Variants in EYA4 observed in about 807,000 individuals in gnomAD.
The protein encoded by EYA4 is protein phosphatase EYA4.
Under a neutral mutation model 87.9 loss-of-function variants are expected in EYA4, and 31 were observed. The ratio of observed to expected loss-of-function variants is 0.35; its 90% CI spans 0.27 to 0.48. The LOEUF is 0.48. Ranked by LOEUF, EYA4 falls within the 20% of genes least tolerant of loss-of-function variation. The pLI is 0.99. For missense variants in EYA4, 678 were observed against 761.4 expected, an observed-to-expected ratio of 0.89 and a Z score of 1.29; for synonymous variants, 263 against 270.6, an observed-to-expected ratio of 0.97 and a Z score of 0.28.
chr6:133,444,386 A>G (rs1239234721), intron 3 of EYA4, among the ~76,000 whole-genome samples: 2 of 152,026 alleles, frequency 1.3e-5, no homozygotes, highest in Non-Finnish European at 2.9e-5. Flanking sequence ...ATCATTTTCC[A>G]TTCTTTGACC....
chr6:133,462,908 C>A, intron 9 of EYA4, 144 bp downstream of exon 9: 1 of 789,854 alleles, frequency 1.3e-6, no homozygotes, highest in Admixed American at 2.1e-5. Flanking sequence ...GATAACTAGA[C>A]AGAAACACGA....
chr6:133,512,961 T>C lies in EYA4; in HGVS notation c.1424T>C (p.Val475Ala), dbSNP rs778110178. 6.2e-7 allele frequency: 1 copy of C among 1,613,804 alleles called. No individual in the cohort carries two copies. Among genetic ancestry groups the C allele is most frequent in the South Asian group, 1.1e-5 (1 of 91,042 alleles). ...TTGCCAACAGGTGTAAGAGGAGGGG[T>C]TGACTGGATGAGGAAGTTGGCTTTT... Reference protein sequence around the residue: ...LCLPTGVRGGVDWMRKLAFRY... With the variant: ...LCLPTGVRGGADWMRKLAFRY... The change falls in exon 16 of 20, where the codon GTT becomes GCT. Residue 475 changes from valine to alanine, a missense_variant. Transcript: ENST00000355286.
chr6:133,475,494 A>G (rs1795643731), intron 11 of EYA4, among the ~76,000 whole-genome samples: 1 of 152,096 alleles, frequency 6.6e-6, no homozygotes, highest in Non-Finnish European at 1.5e-5. Context: ...GAGTAAGATC[A>G]TTTCACTCTC....
intron 10 of EYA4, among the ~76,000 whole-genome samples, chr6:133,466,369 T>A (rs1484007643): frequency 6.6e-6 from 1 of 152,158 alleles, no homozygotes; most frequent in Non-Finnish European, 1.5e-5. Flanking sequence ...AATCTGTATT[T>A]GGGACCATGG....
At chr6:133,319,134 G>A (rs1375497008) in intron 2 of EYA4, among the ~76,000 whole-genome samples, 1 of 152,126 alleles carries the variant, frequency 6.6e-6, no homozygotes, top group Admixed American at 6.5e-5. Flanking sequence ...TCTTCTATCA[G>A]ATTTTAGACC....
intron 2 of EYA4, among the ~76,000 whole-genome samples, chr6:133,308,268 T>A (rs1779959479): frequency 6.6e-6 from 1 of 152,238 alleles, no homozygotes; most frequent in Admixed American, 6.5e-5. Context: ...GCATTATTCC[T>A]GTTTTTACAG....
intron 1 of EYA4, among the ~76,000 whole-genome samples, chr6:133,273,262 C>T (rs186535353): frequency 3.6e-4 from 54 of 152,016 alleles, no homozygotes; most frequent in African/African-American, 8.4e-4. Flanking sequence ...GCATCTAGCA[C>T]GGGAGAAAGA....
intron 4 of EYA4, 25 bp downstream of exon 4, chr6:133,446,779 C>G (rs770453359): frequency 1.9e-6 from 3 of 1,609,408 alleles, no homozygotes; most frequent in East Asian, 4.5e-5. Flanking sequence ...CTGAAGATAC[C>G]CAGAATCATA....
intron 2 of EYA4, chr6:133,325,388 G>A (rs1387244786): frequency 1.3e-5 from 2 of 152,148 alleles, no homozygotes; most frequent in African/African-American, 4.8e-5. Flanking sequence ...ATTCCAAGAA[G>A]AAAGGACCTA....
intron 2 of EYA4, among the ~76,000 whole-genome samples, chr6:133,314,555 A>G (rs1356960824): frequency 4.6e-5 from 7 of 152,160 alleles, no homozygotes; most frequent in Non-Finnish European, 8.8e-5. Context: ...ATTCTATTTT[A>G]TAGAAAGCAT....
intron 3 of EYA4, among the ~76,000 whole-genome samples, chr6:133,397,954 T>C (rs1052109150): frequency 1.3e-5 from 2 of 152,122 alleles, no homozygotes; most frequent in Non-Finnish European, 2.9e-5. Flanking sequence ...AAGATAAGAT[T>C]TGGATGGGGA....
At chr6:133,379,299 T>C (rs931025784) in intron 2 of EYA4, among the ~76,000 whole-genome samples, 6 of 152,212 alleles carry the variant, frequency 3.9e-5, no homozygotes, top group Non-Finnish European at 2.9e-5. Context: ...TATAAGAATA[T>C]TCTTTCTTAT....
chr6:133,258,164 G>C (rs1019705092), intron 1 of EYA4, among the ~76,000 whole-genome samples: 1 of 152,150 alleles, frequency 6.6e-6, no homozygotes, highest in Admixed American at 6.5e-5. Flanking sequence ...GCTTGAACAA[G>C]AACTTGGCTG....
At chr6:133,350,350 C>G (rs965752057) in intron 2 of EYA4, among the ~76,000 whole-genome samples, 1 of 151,996 alleles carries the variant, frequency 6.6e-6, no homozygotes, top group Non-Finnish European at 1.5e-5. Flanking sequence ...TTACATAGAC[C>G]TAAGTGCAAT....
intron 2 of EYA4, among the ~76,000 whole-genome samples, chr6:133,312,711 C>T (rs1292739669): frequency 6.6e-6 from 1 of 152,176 alleles, no homozygotes. Flanking sequence ...AGACTCCACC[C>T]TCAACAACAA....
At chr6:133,310,761 C>T (rs529481891) in intron 2 of EYA4, among the ~76,000 whole-genome samples, 3 of 152,220 alleles carry the variant, frequency 2.0e-5, no homozygotes, top group Admixed American at 1.3e-4. Flanking sequence ...ATTTAGATGC[C>T]TTGTGTTTAG....
intron 2 of EYA4, among the ~76,000 whole-genome samples, chr6:133,313,092 G>A (rs998666776): frequency 2.0e-5 from 3 of 152,004 alleles, no homozygotes; most frequent in Admixed American, 6.5e-5. Flanking sequence ...AACTCATGTC[G>A]ATAACATTTT....
At chr6:133,412,389 G>T (rs1038815606) in intron 3 of EYA4, among the ~76,000 whole-genome samples, 2 of 152,190 alleles carry the variant, frequency 1.3e-5, no homozygotes, top group East Asian at 3.9e-4. Flanking sequence ...AGAAGACATC[G>T]AATGTGATCA....
chr6:133,261,427 T>C (rs1481924958), intron 1 of EYA4, among the ~76,000 whole-genome samples: 1 of 152,244 alleles, frequency 6.6e-6, no homozygotes, highest in Non-Finnish European at 1.5e-5. Flanking sequence ...CCTATTCCCT[T>C]TTCTTTCACA....
Sources: gnomAD v4.1 joint callset for allele counts (sites outside exome capture counted in the v4.1 genomes callset) on GRCh38, gnomAD v4.1.1 for gene constraint, MANE v1.5 for transcripts, NCBI Gene and HGNC (gene_info 2026-07-23, HGNC 2026-07-21) for gene names.